Variants in DGAT1 observed in about 807,000 individuals in gnomAD.
DGAT1 encodes diacylglycerol O-acyltransferase 1.
DGAT1 carries 60 observed loss-of-function variants against 72.6 expected under a neutral mutation model. That is an observed-to-expected ratio of 0.83 (90% CI 0.67 to 1.02). The LOEUF (loss-of-function observed/expected upper bound fraction) is 1.02, where lower values mean the gene tolerates loss of function less well. DGAT1 is among the 50% of genes least tolerant of loss of function. The pLI, the probability that DGAT1 is intolerant of heterozygous loss-of-function variation, is 0.00. For synonymous variants in DGAT1, 290 were observed against 267.5 expected (o/e 1.08, Z -0.82); for missense variants, 592 against 670.0 (o/e 0.88, Z 1.29).
At chr8:144,321,498 C>A (rs1817458046) in intron 1 of DGAT1, 90 bp from the exon 2 acceptor site, 1 of 1,189,060 alleles carries the variant, frequency 8.4e-7, no homozygotes, top group African/African-American at 1.5e-5. Context: ...CCAGTGTCCT[C>A]GTCTGCCCTC....
Position 144,326,678 on chromosome 8 carries a change from C to T in DGAT1, c.-42G>A, listed in dbSNP as rs782493587. On this transcript the variant is annotated 5_prime_UTR_variant, in exon 1 of 17. Coordinates refer to ENST00000528718, the MANE Select transcript of DGAT1 (RefSeq NM_012079.6). ...CGGCCGCAGCCAAGCGTGGGCCCGC[C>T]GGGTTCGTAGCGCCCGAGGCGCGCG... 1 of 1,157,518 alleles carries T rather than the reference C, an allele frequency of 8.6e-7. No homozygotes were observed. The highest frequency in any genetic ancestry group is 1.1e-6 in the Non-Finnish European group (1 of 940,290). 71.7% of individuals were successfully genotyped at this position (1,157,518 alleles called of 1,614,324 possible).
intron 1 of DGAT1, among the ~76,000 whole-genome samples, chr8:144,322,852 G>C (rs1272419956): frequency 2.0e-5 from 3 of 152,282 alleles, no homozygotes; most frequent in South Asian, 2.1e-4. Flanking sequence ...GTCTCCACCA[G>C]AGCCTCCCTC....
chr8:144,316,718 TGA>T lies in DGAT1; in HGVS notation c.1312-11_1312-10del. On this transcript the variant is annotated splice_polypyrimidine_tract_variant and intron_variant, in intron 16 of 16. Transcript: ENST00000528718. ...AACCAGGCCAGTGGGATCTAGGGAG[TGA>T]GGGGCCAAGTCAGTCGGCCATGGTG... 1 of 1,608,852 alleles carries T rather than the reference TGA, an allele frequency of 6.2e-7. No individual in the cohort carries two copies. The highest frequency in any genetic ancestry group is 8.5e-7 in the Non-Finnish European group (1 of 1,177,996).
chr8:144,318,354 G>T lies in DGAT1; in HGVS notation c.583C>A (p.Leu195Met). ...LVESITPVGS[L>M]LALMAHTILF... The stretch of plus-strand genomic sequence containing the variant: ...ATGGTGTGCGCCATCAGCGCCAGCA[G>T]GGAGCCCACTGCAGGAGAGGTGGAC... The change falls in exon 7 of 17, where the codon CTG (leucine) becomes ATG (methionine). Residue 195 changes from leucine to methionine, a missense_variant. Coordinates refer to ENST00000528718, the MANE Select transcript of DGAT1 (RefSeq NM_012079.6). 6.2e-7 allele frequency: 1 copy of T among 1,611,504 alleles called. No homozygotes were observed. Among genetic ancestry groups the T allele is most frequent in the Non-Finnish European group, 8.5e-7 (1 of 1,179,042 alleles).
At position 144,321,381 on chromosome 8, in the gene DGAT1, G is replaced by A. The variant is rs782736960; in HGVS notation, c.228C>T (p.Phe76=). ...LRCHRLQDSL[F]SSDSGFSNYR... ...AGTTGCTGAAGCCACTGTCAGAGCT[G>A]AATAAAGAATCCTGCAGGCGATGGC... Residue 76 remains phenylalanine, a synonymous_variant, in exon 2 of 17, where the codon TTC becomes TTT. Transcript: ENST00000528718. The A allele has an allele frequency of 2.5e-6, 4 of 1,613,956 alleles. No individual in the cohort carries two copies. The Admixed American group carries it at 6.7e-5, about 27-fold the overall frequency.
intron 6 of DGAT1, 30 bp downstream of exon 6, chr8:144,318,431 A>G: frequency 6.2e-7 from 1 of 1,609,466 alleles, no homozygotes; most frequent in Non-Finnish European, 8.5e-7. Context: ...CTGGCCCGAG[A>G]CAGATGGGCA....
In DGAT1 at chr8:144,326,701, G is replaced by A; in HGVS notation, c.-65C>T. ...GCCGGGTTCGTAGCGCCCGAGGCGCGCGGCCCCACCTCCGGGCCCTAGACA... is the reference window on the plus strand; with the variant it reads ...GCCGGGTTCGTAGCGCCCGAGGCGCACGGCCCCACCTCCGGGCCCTAGACA... On this transcript the variant is annotated 5_prime_UTR_variant, in exon 1 of 17. Coordinates refer to ENST00000528718, the MANE Select transcript of DGAT1 (RefSeq NM_012079.6). The A allele has an allele frequency of 2.7e-6, 3 of 1,122,538 alleles. No individual in the cohort carries two copies. Among genetic ancestry groups the A allele is most frequent in the African/African-American group, 1.7e-5 (1 of 60,362 alleles). The allele number at this position is 1,122,538 out of a possible 1,614,324, so 69.5% of individuals were successfully genotyped here.
At chr8:144,326,329 C>T in intron 1 of DGAT1, 108 bp downstream of exon 1, 1 of 1,077,184 alleles carries the variant, frequency 9.3e-7, no homozygotes, top group South Asian at 2.6e-5. Flanking sequence ...CACCGATCCC[C>T]GCTTAGCCCA....
At chr8:144,320,327 G>A (rs983372683) in intron 2 of DGAT1, among the ~76,000 whole-genome samples, 11 of 152,218 alleles carry the variant, frequency 7.2e-5, no homozygotes, top group East Asian at 1.9e-4. Flanking sequence ...AATGGGCTGC[G>A]TCTCCTGAGT....
chr8:144,322,082 G>C (rs1393451935), intron 1 of DGAT1, among the ~76,000 whole-genome samples: 1 of 152,200 alleles, frequency 6.6e-6, no homozygotes, highest in Admixed American at 6.5e-5. Flanking sequence ...CCTGCTGGCT[G>C]AGAGGCTTCC....
chr8:144,317,315 C>T lies in DGAT1; in HGVS notation c.1094+18G>A, dbSNP rs377675453. The T allele has an allele frequency of 1.6e-5, 26 of 1,612,280 alleles. No homozygotes were observed. In the African/African-American group the frequency reaches 2.7e-4, roughly 17 times the overall value. On this transcript the variant is annotated intron_variant, in intron 13 of 16. Coordinates refer to ENST00000528718, the MANE Select transcript of DGAT1 (RefSeq NM_012079.6). ...CATGGCCCATCCCAGCCCCCAGGGA[C>T]ACCCCAGGGACACTCACCACCAGTC...
intron 1 of DGAT1, 31 bp from the exon 2 acceptor site, chr8:144,321,439 G>C: frequency 6.2e-7 from 1 of 1,601,194 alleles, no homozygotes; most frequent in Non-Finnish European, 8.6e-7. Context: ...CACCCCCTGA[G>C]TGGGCACCAG....
At chr8:144,324,597 G>A (rs918763785) in intron 1 of DGAT1, among the ~76,000 whole-genome samples, 15 of 152,096 alleles carry the variant, frequency 9.9e-5, no homozygotes, top group African/African-American at 3.4e-4. Flanking sequence ...CGACCTCCAC[G>A]GCAGGGACAG....
chr8:144,315,857 C>T lies in DGAT1; in HGVS notation c.*697G>A. ...CAAGGCGAATAGCCATGGACATAGC[C>T]ATTGTGTACCGTAGCCCCTCGGCTC... is the stretch of plus-strand genomic sequence containing the variant. On this transcript the variant is annotated 3_prime_UTR_variant, in exon 17 of 17. Transcript: ENST00000528718. 1 of 985,508 alleles carries T rather than the reference C, an allele frequency of 1.0e-6. No homozygotes were observed. Among genetic ancestry groups the T allele is most frequent in the Non-Finnish European group, 1.2e-6 (1 of 829,942 alleles). 61.0% of individuals were successfully genotyped at this position (985,508 alleles called of 1,614,324 possible).
In DGAT1 at chr8:144,315,594, T is replaced by G. The variant is rs1338167566; in HGVS notation, c.*960A>C. On this transcript the variant is annotated 3_prime_UTR_variant, in exon 17 of 17. Coordinates refer to ENST00000528718, the MANE Select transcript of DGAT1 (RefSeq NM_012079.6). The stretch of plus-strand genomic sequence containing the variant: ...GGTTACCCCTGACCTCCCGCTACCA[T>G]CAAGGGGGGCCCCATCTATCCAGCT... The G allele has an allele frequency of 1.0e-6, 1 of 985,488 alleles. No homozygotes were observed. The highest frequency in any genetic ancestry group is 1.7e-5 in the African/African-American group (1 of 57,244). The allele number at this position is 985,488 out of a possible 1,614,324, so 61.0% of individuals were successfully genotyped here.
chr8:144,321,492 T>G (rs1588685624), intron 1 of DGAT1, 84 bp from the exon 2 acceptor site: 3 of 1,218,646 alleles, frequency 2.5e-6, no homozygotes, highest in African/African-American at 3.0e-5. Context: ...CCCACCCCAG[T>G]GTCCTCGTCT....
In DGAT1 at chr8:144,318,877, G is replaced by A. The variant is rs1554847759; in HGVS notation, c.373C>T (p.Leu125=). The part of the protein sequence containing the change: ...VDPIQVVSLF[L]KDPYSWPAPC... Reference sequence around the variant, plus strand: ...GCGGGCCAGCTATAGGGATCCTTCAGGAACAGAGAAACCACCTGGATGGGG... The same window carrying A: ...GCGGGCCAGCTATAGGGATCCTTCAAGAACAGAGAAACCACCTGGATGGGG... The change falls in exon 4 of 17, where the codon CTG becomes TTG. Residue 125 remains leucine (L), a synonymous_variant. Coordinates refer to ENST00000528718, the MANE Select transcript of DGAT1 (RefSeq NM_012079.6). 1 of 1,612,280 alleles carries A rather than the reference G, an allele frequency of 6.2e-7. No homozygotes were observed. Among genetic ancestry groups the A allele is most frequent in the African/African-American group, 1.3e-5 (1 of 75,004 alleles).
rs142423738 is a variant in DGAT1, at chr8:144,314,938, G to C, written c.*1616C>G. 2.5e-4 allele frequency: 247 copies of C among 986,094 alleles called. 1 individual carries two copies. In the African/African-American group the frequency reaches 4.0e-3, roughly 16 times the overall value. 61.1% of individuals were successfully genotyped at this position (986,094 alleles called of 1,614,324 possible). A position where few individuals can be genotyped will look rare whatever the true frequency, so the allele number is the denominator to read the frequency against. ...GTGGGCGCCTCACCTTGGCCCTGGG[G>C]GTCTCTGGTTGTCACAGGACCACCA... On this transcript the variant is annotated 3_prime_UTR_variant, in exon 17 of 17. Coordinates refer to ENST00000528718, the MANE Select transcript of DGAT1 (RefSeq NM_012079.6).
Position 144,326,628 on chromosome 8 carries a change from G to A in DGAT1, c.9C>T (p.Asp3=), listed in dbSNP as rs1817602092. The A allele has an allele frequency of 8.3e-7, 1 of 1,197,798 alleles. No individual in the cohort carries two copies. 74.2% of individuals were successfully genotyped at this position (1,197,798 alleles called of 1,614,324 possible). A position where few individuals can be genotyped will look rare whatever the true frequency, so the allele number is the denominator to read the frequency against. Residue 3 remains aspartate (D), a synonymous_variant, in exon 1 of 17, where the codon GAC becomes GAT. Coordinates refer to ENST00000528718, the MANE Select transcript of DGAT1 (RefSeq NM_012079.6). MG[D]RGSSRRRRTG... is the part of the protein sequence containing the mutation. Reference sequence around the variant, plus strand: ...TCCTCCGGCGCCGGGAGCTGCCGCGGTCGCCCATGGCCTCAGCCCGCACCC... The same window carrying A: ...TCCTCCGGCGCCGGGAGCTGCCGCGATCGCCCATGGCCTCAGCCCGCACCC...
Sources: gnomAD v4.1 joint callset for allele counts (sites outside exome capture counted in the v4.1 genomes callset) on GRCh38, gnomAD v4.1.1 for gene constraint, MANE v1.5 for transcripts, NCBI Gene and HGNC (gene_info 2026-07-23, HGNC 2026-07-21) for gene names.